The following SLC6A11 variants were observed in gnomAD, a reference collection of about 807,000 sequenced individuals.
SLC6A11 encodes sodium- and chloride-dependent GABA transporter 3.
A neutral mutation model predicts 74.8 loss-of-function variants in SLC6A11; 25 were observed. That is an observed-to-expected ratio of 0.33 (90% CI 0.24 to 0.47). The LOEUF is 0.47. Among genes scored for constraint, SLC6A11 ranks in the 20% least tolerant of loss-of-function variants. The pLI is 1.00. For synonymous variants in SLC6A11, 330 were observed against 330.2 expected (o/e 1.00, Z 0.01); for missense variants, 574 against 837.0 (o/e 0.69, Z 3.88).
rs901659760 is a variant in SLC6A11 at position 10,918,575 on chromosome 3, GC to G, written c.1120+126del. The G allele has an allele frequency of 1.9e-5, 22 of 1,134,012 alleles. No homozygotes were observed. The highest frequency in any genetic ancestry group is 4.0e-4 in the Middle Eastern group (2 of 4,964). 70.2% of individuals were successfully genotyped at this position (1,134,012 alleles called of 1,614,324 possible). ...TCCTGGATTCAGGCCTCAGAAAGGG[GC>G]CCCACCATTCATCCACAATCCAGGA... On this transcript the variant is annotated intron_variant, in intron 8 of 13. Coordinates refer to ENST00000254488, the MANE Select transcript of SLC6A11 (RefSeq NM_014229.3). The surrounding 1 kb of genome is among the most constrained non-coding windows in gnomAD (Gnocchi z 4.5).
chr3:10,881,946 C>T (rs1279850382), intron 6 of SLC6A11, among the ~76,000 whole-genome samples: 1 of 152,154 alleles, frequency 6.6e-6, no homozygotes, highest in Non-Finnish European at 1.5e-5. Flanking sequence ...GGACACAGGG[C>T]GTCTGACTGG....
intron 6 of SLC6A11, among the ~76,000 whole-genome samples, chr3:10,886,803 A>G (rs1695047619): frequency 2.1e-5 from 3 of 139,644 alleles, no homozygotes; most frequent in East Asian, 4.2e-4. Context: ...GCGAGACTCC[A>G]TCTCAAAAAA....
At chr3:10,919,355 T>C (rs1695503712) in intron 8 of SLC6A11, among the ~76,000 whole-genome samples, 1 of 152,214 alleles carries the variant, frequency 6.6e-6, no homozygotes, top group Non-Finnish European at 1.5e-5. Context: ...GTTTTTCACC[T>C]ACAAGCATGT....
chr3:10,823,155 T>C (rs1694159129), intron 3 of SLC6A11, 147 bp from the exon 4 acceptor site: 2 of 632,534 alleles, frequency 3.2e-6, no homozygotes, highest in African/African-American at 1.8e-5. Context: ...TTGTAAAGTA[T>C]TGATTTTCCC....
intron 6 of SLC6A11, among the ~76,000 whole-genome samples, chr3:10,911,867 C>G (rs1695392335): frequency 6.6e-6 from 1 of 152,206 alleles, no homozygotes; most frequent in Non-Finnish European, 1.5e-5. Flanking sequence ...TTCATAAACT[C>G]TGGCAAATTC....
chr3:10,926,069 G>T lies in SLC6A11; in HGVS notation c.1186G>T (p.Ala396Ser), dbSNP rs751498777. Residue 396 changes from alanine (A) to serine (S), a missense_variant, in exon 9 of 14, where the codon GCC becomes TCC. Around this residue, in one of 4 missense-constraint regions of SLC6A11, gnomAD observed 257 missense variants for 341.5 expected, o/e 0.75. Transcript: ENST00000254488. This position sits in a 1 kb window ranked among gnomAD's most constrained non-coding sequence, Gnocchi z 5.7. ...VTMMPLSPLW[A>S]TLFFMMLIFL... Reference sequence around the variant, plus strand: ...CATGATGCCTCTCTCCCCGCTGTGGGCCACCTTGTTCTTCATGATGCTCAT... The same window carrying T: ...CATGATGCCTCTCTCCCCGCTGTGGTCCACCTTGTTCTTCATGATGCTCAT... 1 of 1,613,696 alleles carries T rather than the reference G, an allele frequency of 6.2e-7. No individual in the cohort carries two copies.
rs1361924757 is a variant in SLC6A11 at position 10,926,616 on chromosome 3, C to G, written c.1233+500C>G. Among the ~76,000 whole-genome samples, 1 of 152,160 alleles carries G rather than the reference C, an allele frequency of 6.6e-6. No homozygotes were observed. The highest frequency in any genetic ancestry group is 2.4e-5 in the African/African-American group (1 of 41,428). On this transcript the variant is annotated intron_variant, in intron 9 of 13. Transcript: ENST00000254488. This position sits in a 1 kb window ranked among gnomAD's most constrained non-coding sequence, Gnocchi z 5.7. ...ACCACCAGCTCTGCCCCGCCACCGC[C>G]TGCCTGTCTCTGTGCTCGGCCCTCC...
intron 4 of SLC6A11, among the ~76,000 whole-genome samples, chr3:10,843,632 C>T (rs1694465587): frequency 6.6e-6 from 1 of 152,160 alleles, no homozygotes; most frequent in Admixed American, 6.5e-5. Flanking sequence ...AGTTTATTTC[C>T]TGCTCAGACT....
intron 4 of SLC6A11, among the ~76,000 whole-genome samples, chr3:10,827,564 C>G (rs1162395762): frequency 6.6e-6 from 1 of 152,182 alleles, no homozygotes; most frequent in Non-Finnish European, 1.5e-5. Flanking sequence ...GCCTCCAACT[C>G]CAGGGACTTC....
At chr3:10,909,203 T>C (rs1319284853) in intron 6 of SLC6A11, among the ~76,000 whole-genome samples, 1 of 151,720 alleles carries the variant, frequency 6.6e-6, no homozygotes, top group Non-Finnish European at 1.5e-5. Context: ...ATCCTTGGAT[T>C]GGCCAGGTCT....
chr3:10,851,263 T>C (rs1168268435), intron 5 of SLC6A11, among the ~76,000 whole-genome samples: 1 of 152,132 alleles, frequency 6.6e-6, no homozygotes, highest in African/African-American at 2.4e-5. Context: ...GCAACAATTC[T>C]GGTCCCTTCC....
chr3:10,928,076 G>T (rs1470258349), intron 9 of SLC6A11, among the ~76,000 whole-genome samples: 1 of 152,104 alleles, frequency 6.6e-6, no homozygotes, highest in Non-Finnish European at 1.5e-5. Context: ...TTACAAAATG[G>T]GAATAATAAT....
intron 5 of SLC6A11, among the ~76,000 whole-genome samples, chr3:10,874,180 C>G (rs1227912120): frequency 6.6e-6 from 1 of 152,124 alleles, no homozygotes; most frequent in Non-Finnish European, 1.5e-5. Flanking sequence ...TCATGGCCAG[C>G]TTATTTAAAA....
chr3:10,898,991 A>C (rs1438699882), intron 6 of SLC6A11, among the ~76,000 whole-genome samples: 1 of 152,188 alleles, frequency 6.6e-6, no homozygotes, highest in Non-Finnish European at 1.5e-5. Flanking sequence ...CAAGAGAGAG[A>C]ATGAGAGCCA....
At chr3:10,822,695 C>T (rs769297275) in intron 3 of SLC6A11, among the ~76,000 whole-genome samples, 1 of 152,090 alleles carries the variant, frequency 6.6e-6, no homozygotes, top group Non-Finnish European at 1.5e-5. Context: ...TTAAATCTCC[C>T]TGGGACATCA....
At chr3:10,884,052 C>T (rs1362122300) in intron 6 of SLC6A11, among the ~76,000 whole-genome samples, 8 of 152,128 alleles carry the variant, frequency 5.3e-5, no homozygotes, top group Non-Finnish European at 7.4e-5. Context: ...TGGTGCCGGG[C>T]GGTGCTGAGG....
intron 4 of SLC6A11, among the ~76,000 whole-genome samples, chr3:10,835,112 A>G (rs1694349486): frequency 6.6e-6 from 1 of 152,150 alleles, no homozygotes; most frequent in African/African-American, 2.4e-5. Flanking sequence ...GCTTCTTGCA[A>G]TCCTTAATGC....
intron 8 of SLC6A11, among the ~76,000 whole-genome samples, chr3:10,925,323 G>A (rs1373151745): frequency 6.6e-6 from 1 of 152,100 alleles, no homozygotes; most frequent in Non-Finnish European, 1.5e-5. Context: ...TTTTTAGATA[G>A]GACTTTATTA....
chr3:10,845,550 T>C (rs910868075), intron 5 of SLC6A11, among the ~76,000 whole-genome samples: 4 of 152,116 alleles, frequency 2.6e-5, no homozygotes, highest in African/African-American at 7.2e-5. Context: ...TTAACAACTC[T>C]GGGCCCTTTT....
Sources: allele counts gnomAD v4.1 joint callset (sites outside exome capture counted in the v4.1 genomes callset), GRCh38; gene constraint gnomAD v4.1.1; regional missense constraint gnomAD v4.1.1; non-coding constraint Gnocchi (gnomAD v3.1); transcripts MANE v1.5; gene names NCBI Gene and HGNC (gene_info 2026-07-23, HGNC 2026-07-21).